Variants in GPC5 observed in about 807,000 individuals in gnomAD.
GPC5 encodes glypican 5, also known as glypican-5.
A neutral mutation model predicts 53.9 loss-of-function variants in GPC5; 47 were observed. The observed-to-expected ratio is 0.87, with a 90% CI of 0.69 to 1.11. GPC5 has a LOEUF of 1.11. Ranked by LOEUF, GPC5 falls within the 50% of genes most tolerant of loss-of-function variation. The pLI, the probability that GPC5 is intolerant of heterozygous loss-of-function variation, is 0.00. For synonymous variants in GPC5, 286 were observed against 263.3 expected (o/e 1.09, Z -0.84); for missense variants, 748 against 713.1 (o/e 1.05, Z -0.56).
chr13:92,432,577 G>A (rs1193105188), intron 7 of GPC5, among the ~76,000 whole-genome samples: 1 of 150,252 alleles, frequency 6.7e-6, no homozygotes, highest in Non-Finnish European at 1.5e-5. Context: ...TGATTTCGCT[G>A]TGTTAGCCAG....
intron 6 of GPC5, among the ~76,000 whole-genome samples, chr13:92,070,235 T>C (rs1203452444): frequency 1.3e-5 from 2 of 152,180 alleles, no homozygotes; most frequent in African/African-American, 4.8e-5. Context: ...AGGAACTAAG[T>C]GTGGCTAACA....
chr13:92,516,994 T>C (rs1363767218), intron 7 of GPC5, among the ~76,000 whole-genome samples: 1 of 151,622 alleles, frequency 6.6e-6, no homozygotes, highest in Non-Finnish European at 1.5e-5. Context: ...ACTGCTCTTT[T>C]CCAATGGTCT....
chr13:92,679,960 A>C (rs886502246), intron 7 of GPC5, among the ~76,000 whole-genome samples: 1 of 142,924 alleles, frequency 7.0e-6, no homozygotes, highest in African/African-American at 2.6e-5. Context: ...TGAACTAAGC[A>C]GCGATCTCTA....
At chr13:92,516,776 G>C (rs981030209) in intron 7 of GPC5, among the ~76,000 whole-genome samples, 3 of 152,164 alleles carry the variant, frequency 2.0e-5, no homozygotes, top group African/African-American at 7.2e-5. Flanking sequence ...GGTGATTTCT[G>C]CATTTCCAAC....
intron 6 of GPC5, among the ~76,000 whole-genome samples, chr13:91,986,745 CA>C (rs1257385485): frequency 1.3e-5 from 2 of 152,176 alleles, no homozygotes; most frequent in Non-Finnish European, 2.9e-5. Context: ...TATATGTTCT[CA>C]ATGAAATATT....
chr13:91,410,444 C>T (rs10467326), intron 1 of GPC5, among the ~76,000 whole-genome samples: 3,487 of 145,482 alleles, frequency 0.024, 155 homozygotes, highest in African/African-American at 0.083. Context: ...CTGCCAGGTT[C>T]GTGCCATTCT....
chr13:92,240,821 A>T (rs2776430), intron 7 of GPC5: 97,996 of 151,952 alleles, frequency 0.64, 32,609 homozygotes, highest in African/African-American at 0.8. Context: ...GGAGGTTTTT[A>T]AAAACTTTCA....
intron 6 of GPC5, among the ~76,000 whole-genome samples, chr13:91,961,067 T>G (rs1382739205): frequency 6.6e-6 from 1 of 151,710 alleles, no homozygotes; most frequent in Non-Finnish European, 1.5e-5. Context: ...AAAAAAAAAC[T>G]TCTCCATAGA....
At chr13:92,055,322 A>T (rs1194847983) in intron 6 of GPC5, among the ~76,000 whole-genome samples, 4 of 152,176 alleles carry the variant, frequency 2.6e-5, no homozygotes, top group Non-Finnish European at 5.9e-5. Context: ...CTCTAGTCCC[A>T]ATTGTATATT....
intron 5 of GPC5, among the ~76,000 whole-genome samples, chr13:91,857,439 T>C (rs1237298006): frequency 6.6e-6 from 1 of 151,512 alleles, no homozygotes; most frequent in Non-Finnish European, 1.5e-5. Flanking sequence ...ATATATTTTA[T>C]TATGTTTTGA....
intron 6 of GPC5, among the ~76,000 whole-genome samples, chr13:92,100,211 T>G (rs1011532735): frequency 1.2e-4 from 19 of 152,130 alleles, no homozygotes; most frequent in African/African-American, 4.3e-4. Context: ...AAGACCAACC[T>G]GTCCAAGATG....
intron 7 of GPC5, among the ~76,000 whole-genome samples, chr13:92,540,308 T>C (rs932869337): frequency 6.6e-6 from 1 of 151,978 alleles, no homozygotes; most frequent in Non-Finnish European, 1.5e-5. Flanking sequence ...GCTATGTAGC[T>C]TCCTAGCTGC....
chr13:92,840,759 G>A (rs1296763388), intron 7 of GPC5, among the ~76,000 whole-genome samples: 1 of 152,022 alleles, frequency 6.6e-6, no homozygotes, highest in South Asian at 2.1e-4. Context: ...CCATTTATTT[G>A]TGTCTTCCTT....
chr13:92,605,593 A>ATTTTTT (rs1319247704), intron 7 of GPC5, among the ~76,000 whole-genome samples: 2 of 125,942 alleles, frequency 1.6e-5, no homozygotes, highest in Non-Finnish European at 3.5e-5. Context: ...TTTTTTTTTT[A>ATTTTTT]TTTTTTTGAG....
At chr13:91,741,165 C>A (rs2036925871) in intron 4 of GPC5, among the ~76,000 whole-genome samples, 1 of 151,922 alleles carries the variant, frequency 6.6e-6, no homozygotes, top group African/African-American at 2.4e-5. Context: ...GTGGGGAATG[C>A]AGAATTTTTA....
Position 92,737,360 on chromosome 13 carries a change from G to A in GPC5, c.1562-128922G>A, listed in dbSNP as rs536964768. ...CCATGGAGTGTTCCAATCAGCTCCA[G>A]CTTCAGGCCCGTCAGGAATTGCACA... On this transcript the variant is annotated intron_variant, in intron 7 of 7. Transcript: ENST00000377067. Among the ~76,000 whole-genome samples the A allele has an allele frequency of 1.5e-3, 233 of 152,176 alleles. 1 individual carries two copies. Among genetic ancestry groups the A allele is most frequent in the Non-Finnish European group, 2.2e-3 (152 of 67,974 alleles).
chr13:92,245,916 T>A (rs539018524), intron 7 of GPC5, among the ~76,000 whole-genome samples: 2 of 152,234 alleles, frequency 1.3e-5, no homozygotes, highest in Admixed American at 1.3e-4. Flanking sequence ...TAACTGGGCA[T>A]TCTCTTTTGA....
At chr13:91,727,649 C>G (rs1257758997) in intron 3 of GPC5, among the ~76,000 whole-genome samples, 1 of 152,008 alleles carries the variant, frequency 6.6e-6, no homozygotes, top group Non-Finnish European at 1.5e-5. Context: ...ATAATTTGTT[C>G]TAACTTCTTC....
chr13:91,889,702 G>A (rs1173068645), intron 5 of GPC5, among the ~76,000 whole-genome samples: 1 of 151,914 alleles, frequency 6.6e-6, no homozygotes, highest in African/African-American at 2.4e-5. Flanking sequence ...ATATATTCAC[G>A]CACATAACAA....
Sources: allele counts gnomAD v4.1 joint callset (sites outside exome capture counted in the v4.1 genomes callset), GRCh38; gene constraint gnomAD v4.1.1; transcripts MANE v1.5; gene names NCBI Gene and HGNC (gene_info 2026-07-23, HGNC 2026-07-21).